Variants in DTWD2 observed in about 807,000 individuals in gnomAD.
The protein encoded by DTWD2 is DTW motif tRNA-uridine aminocarboxypropyltransferase 2, also known as tRNA-uridine aminocarboxypropyltransferase 2.
A neutral mutation model predicts 31.8 loss-of-function variants in DTWD2; 39 were observed. That is an observed-to-expected ratio of 1.22 (90% CI 0.95 to 1.60). DTWD2 has a LOEUF of 1.60. Among genes scored for constraint, DTWD2 ranks in the 40% most tolerant of loss-of-function variants. The pLI, the probability that DTWD2 is intolerant of heterozygous loss-of-function variation, is 0.00. For synonymous variants in DTWD2, 180 were observed against 142.8 expected, an observed-to-expected ratio of 1.26 and a Z score of -1.86; for missense variants, 515 against 381.5, an observed-to-expected ratio of 1.35 and a Z score of -2.92.
chr5:118,963,249 T>C (rs1197323284), intron 1 of DTWD2, among the ~76,000 whole-genome samples: 63 of 152,188 alleles, frequency 4.1e-4, no homozygotes, highest in Non-Finnish European at 1.5e-5. Flanking sequence ...GGGAGATAGC[T>C]AGAAGGATAA....
At chr5:118,856,074 A>G (rs1752126895) in intron 4 of DTWD2, among the ~76,000 whole-genome samples, 1 of 152,208 alleles carries the variant, frequency 6.6e-6, no homozygotes, top group African/African-American at 2.4e-5. Flanking sequence ...CCAGAGAAAG[A>G]GAATCAAGAT....
intron 3 of DTWD2, among the ~76,000 whole-genome samples, chr5:118,938,016 C>T (rs115003923): frequency 0.021 from 3,267 of 152,196 alleles, 118 homozygotes; most frequent in African/African-American, 0.074. Flanking sequence ...TGTATACATA[C>T]ATCAAAACAT....
At chr5:118,927,774 T>G (rs1170948827) in intron 4 of DTWD2, among the ~76,000 whole-genome samples, 1 of 152,140 alleles carries the variant, frequency 6.6e-6, no homozygotes, top group African/African-American at 2.4e-5. Context: ...CAGAACCAAG[T>G]GATTTCACCA....
intron 4 of DTWD2, among the ~76,000 whole-genome samples, chr5:118,915,165 C>T (rs149459046): frequency 6.6e-6 from 1 of 151,958 alleles, no homozygotes; most frequent in Admixed American, 6.6e-5. Flanking sequence ...TGCAGTGACC[C>T]AAGACAGGGC....
Position 118,944,569 on chromosome 5 carries a change from T to C in DTWD2, c.299A>G (p.His100Arg). The C allele has an allele frequency of 6.2e-7, 1 of 1,613,360 alleles. No individual in the cohort carries two copies. The highest frequency in any genetic ancestry group is 8.5e-7 in the Non-Finnish European group (1 of 1,179,632). Residue 100 changes from histidine to arginine, a missense_variant, in exon 2 of 6, where the codon CAT becomes CGT. Physicochemically the swap from His to Arg is conservative, Grantham distance 29. Coordinates refer to ENST00000510708, the MANE Select transcript of DTWD2 (RefSeq NM_173666.4). ...TTTACAAAATCTTACCTCTGCTGGA[T>C]GCTGAATTATGTACAAGTGGGTAGA... is the stretch of plus-strand genomic sequence containing the variant. ...HISTHLYIIQ[H>R]PAEENKVLRT... is the part of the protein sequence containing the mutation.
At chr5:118,890,058 A>G (rs1453860907) in intron 4 of DTWD2, among the ~76,000 whole-genome samples, 1 of 152,224 alleles carries the variant, frequency 6.6e-6, no homozygotes, top group African/African-American at 2.4e-5. Context: ...AGTACTCAGT[A>G]CAATCAGAAG....
At chr5:118,929,963 C>A (rs1326920994) in intron 3 of DTWD2, among the ~76,000 whole-genome samples, 1 of 152,212 alleles carries the variant, frequency 6.6e-6, no homozygotes, top group African/African-American at 2.4e-5. Flanking sequence ...CTCCTCTTCT[C>A]CCCGTCCCAA....
chr5:118,840,779 C>G lies in DTWD2; in HGVS notation c.*138G>C, dbSNP rs1751693171. On this transcript the variant is annotated 3_prime_UTR_variant, in exon 6 of 6. Transcript: ENST00000510708. ...TTTGTATTTATGAATATTTGGTTTA[C>G]TTCCTTCTTCTGGGTAAGATTAGTA... The G allele has an allele frequency of 1.1e-5, 9 of 850,218 alleles. No homozygotes were observed. The highest frequency in any genetic ancestry group is 1.5e-5 in the Non-Finnish European group (9 of 612,146). The allele number at this position is 850,218 out of a possible 1,614,324, so 52.7% of individuals were successfully genotyped here.
At chr5:118,878,080 A>G (rs1434660826) in intron 4 of DTWD2, among the ~76,000 whole-genome samples, 6 of 152,076 alleles carry the variant, frequency 3.9e-5, no homozygotes, top group Admixed American at 1.3e-4. Flanking sequence ...AAATGGGCAT[A>G]CTACCCAAAG....
chr5:118,981,834 C>T (rs1755308659), intron 1 of DTWD2, among the ~76,000 whole-genome samples: 1 of 152,034 alleles, frequency 6.6e-6, no homozygotes, highest in Admixed American at 6.6e-5. Context: ...TTAAAAATAC[C>T]CATGGCCAAA....
chr5:118,871,615 T>C (rs1260792314), intron 4 of DTWD2, among the ~76,000 whole-genome samples: 1 of 152,208 alleles, frequency 6.6e-6, no homozygotes, highest in Non-Finnish European at 1.5e-5. Flanking sequence ...AAGGTATCTT[T>C]TTCTCTGAGC....
chr5:118,982,892 C>T (rs368569), intron 1 of DTWD2, among the ~76,000 whole-genome samples: 102,887 of 151,584 alleles, frequency 0.68, 35,399 homozygotes, highest in East Asian at 0.99. Flanking sequence ...TTTCACCATG[C>T]TGGTCAGGCT....
At chr5:118,962,879 T>C (rs1406011867) in intron 1 of DTWD2, among the ~76,000 whole-genome samples, 1 of 152,214 alleles carries the variant, frequency 6.6e-6, no homozygotes, top group Non-Finnish European at 1.5e-5. Context: ...TTCTGTCTGA[T>C]TCCAAAATGC....
chr5:118,885,813 A>G (rs1360833177), intron 4 of DTWD2, among the ~76,000 whole-genome samples: 1 of 151,810 alleles, frequency 6.6e-6, no homozygotes, highest in African/African-American at 2.4e-5. Context: ...AAAAATAAAT[A>G]AATTAGCCAG....
intron 5 of DTWD2, among the ~76,000 whole-genome samples, chr5:118,845,991 G>A (rs1466556002): frequency 6.6e-6 from 1 of 152,044 alleles, no homozygotes; most frequent in Admixed American, 6.6e-5. Context: ...AAATGCTGAT[G>A]GAGAAGAGGC....
chr5:118,854,065 G>A (rs1752074836), intron 4 of DTWD2, among the ~76,000 whole-genome samples: 1 of 152,028 alleles, frequency 6.6e-6, no homozygotes, highest in Admixed American at 6.5e-5. Context: ...TTATATCTCT[G>A]GAGGAACTTT....
In DTWD2 at chr5:118,931,377, C is replaced by G. The variant is rs1476364040; in HGVS notation, c.405-2648G>C. 5.1e-5 allele frequency among the ~76,000 whole-genome samples: 7 copies of G among 136,882 alleles called. No individual in the cohort carries two copies. In the South Asian group the frequency reaches 1.3e-3, roughly 26 times the overall value. The allele number at this position is 136,882 out of a possible 152,430, so 89.8% of individuals were successfully genotyped here. Reference sequence around the variant, plus strand: ...TTGTGCCACTACACTCAAGCTTGAGCAACAGAACGAGACCTTGTCTTAAAA... The same window carrying G: ...TTGTGCCACTACACTCAAGCTTGAGGAACAGAACGAGACCTTGTCTTAAAA... On this transcript the variant is annotated intron_variant, in intron 3 of 5. Transcript: ENST00000510708.
chr5:118,908,807 A>G (rs1401672747), intron 4 of DTWD2, among the ~76,000 whole-genome samples: 1 of 152,246 alleles, frequency 6.6e-6, no homozygotes, highest in African/African-American at 2.4e-5. Context: ...ACTTAAGCTA[A>G]AACACAATTG....
chr5:118,924,910 A>G (rs938767598), intron 4 of DTWD2, among the ~76,000 whole-genome samples: 1 of 152,122 alleles, frequency 6.6e-6, no homozygotes, highest in African/African-American at 2.4e-5. Context: ...TTATTACCTC[A>G]TGGGATTTGG....
Sources: gnomAD v4.1 joint callset for allele counts (sites outside exome capture counted in the v4.1 genomes callset) on GRCh38, gnomAD v4.1.1 for gene constraint, MANE v1.5 for transcripts, NCBI Gene and HGNC (gene_info 2026-07-23, HGNC 2026-07-21) for gene names.